The following FMN2 variants were observed in gnomAD, a reference collection of about 807,000 sequenced individuals.
FMN2 encodes the protein formin-2.
A neutral mutation model predicts 142.3 loss-of-function variants in FMN2; 51 were observed. The ratio of observed to expected loss-of-function variants is 0.36; its 90% CI spans 0.29 to 0.45. FMN2 has a LOEUF of 0.45. Ranked by LOEUF, FMN2 falls within the 20% of genes least tolerant of loss-of-function variation. FMN2 has a pLI of 1.00. For synonymous variants in FMN2, 882 were observed against 869.8 expected, an observed-to-expected ratio of 1.01 and a Z score of -0.25; for missense variants, 1,936 against 2,122.8, an observed-to-expected ratio of 0.91 and a Z score of 1.73.
At chr1:240,438,351 C>A in intron 16 of FMN2, 141 bp downstream of exon 16, 10 of 850,372 alleles carry the variant, frequency 1.2e-5, no homozygotes, top group Non-Finnish European at 1.8e-5. Context: ...AGGATGCTGA[C>A]ATTTGGCAAA....
At chr1:240,289,509 A>G (rs1429235995) in intron 7 of FMN2, among the ~76,000 whole-genome samples, 1 of 152,056 alleles carries the variant, frequency 6.6e-6, no homozygotes. Context: ...TCTCTACAAA[A>G]AAATTAAAAA....
intron 14 of FMN2, among the ~76,000 whole-genome samples, chr1:240,367,396 A>G (rs945840178): frequency 2.0e-5 from 3 of 152,072 alleles, no homozygotes; most frequent in Non-Finnish European, 4.4e-5. Context: ...TTTGCTGACT[A>G]TTGATTTTAA....
chr1:240,382,960 A>T (rs1026112739), intron 14 of FMN2, among the ~76,000 whole-genome samples: 1 of 152,174 alleles, frequency 6.6e-6, no homozygotes, highest in Non-Finnish European at 1.5e-5. Flanking sequence ...ACAAAGCCAC[A>T]TATGTACAAC....
At chr1:240,330,530 G>T in intron 10 of FMN2, 73 bp from the exon 11 acceptor site, 1 of 1,480,360 alleles carries the variant, frequency 6.8e-7, no homozygotes, top group Non-Finnish European at 9.2e-7. Context: ...TAAATAGCTG[G>T]CATCAACTCG....
intron 6 of FMN2, among the ~76,000 whole-genome samples, chr1:240,236,607 G>C (rs935848448): frequency 1.3e-5 from 2 of 152,138 alleles, no homozygotes; most frequent in South Asian, 2.1e-4. Context: ...TTTTACTCAC[G>C]GCAGAAGGTG....
chr1:240,172,472 T>C lies in FMN2; in HGVS notation c.1783-5449T>C, dbSNP rs186162116. On this transcript the variant is annotated intron_variant, in intron 2 of 17. Transcript: ENST00000319653. ...GACTATTGTAATCAAACATAGATTT[T>C]TAAAATTCAAAACAAATAGTATTCA... Among the ~76,000 whole-genome samples the C allele has an allele frequency of 9.0e-4, 137 of 152,310 alleles. 1 individual carries two copies. The highest frequency in any genetic ancestry group is 1.5e-3 in the Non-Finnish European group (104 of 68,022).
chr1:240,413,120 C>CTCAAAAAAAAAA (rs1259612812), intron 15 of FMN2, among the ~76,000 whole-genome samples: 3 of 24,582 alleles, frequency 1.2e-4, no homozygotes, highest in Admixed American at 9.2e-4. Flanking sequence ...GAGACTCTGT[C>CTCAAAAAAAAAA]AAAAAAAAAA....
In FMN2 at chr1:240,092,003, C is replaced by A. The variant is rs536852884; in HGVS notation, c.-107C>A. On this transcript the variant is annotated 5_prime_UTR_variant, in exon 1 of 18. Coordinates refer to ENST00000319653, the MANE Select transcript of FMN2 (RefSeq NM_020066.5). ...CTCCCCTCCCAGCGGCTCCCCCCGC[C>A]GCCGCCTGACTCTCCCGGGAGACTC... 1.1e-4 allele frequency: 157 copies of A among 1,380,968 alleles called. 1 individual carries two copies. The East Asian group carries it at 4.1e-3, about 36-fold the overall frequency. The allele number at this position is 1,380,968 out of a possible 1,614,324, so 85.5% of individuals were successfully genotyped here.
intron 2 of FMN2, among the ~76,000 whole-genome samples, chr1:240,167,252 T>A (rs998357569): frequency 7.2e-5 from 11 of 152,230 alleles, no homozygotes; most frequent in Non-Finnish European, 1.5e-4. Context: ...GTGCTTCTTT[T>A]AAGCACAGCT....
intron 16 of FMN2, among the ~76,000 whole-genome samples, chr1:240,461,330 G>C (rs1207318985): frequency 6.6e-6 from 1 of 152,038 alleles, no homozygotes; most frequent in Non-Finnish European, 1.5e-5. Context: ...TCTACCTTAG[G>C]GGGTTACTGC....
chr1:240,320,669 G>A (rs1036685182), intron 8 of FMN2, among the ~76,000 whole-genome samples: 6 of 152,272 alleles, frequency 3.9e-5, no homozygotes, highest in African/African-American at 1.4e-4. Flanking sequence ...TTAAGTATGG[G>A]GGTGGGTGGT....
chr1:240,420,853 TGTTA>T (rs1445958334), intron 15 of FMN2, among the ~76,000 whole-genome samples: 2 of 152,170 alleles, frequency 1.3e-5, no homozygotes, highest in Non-Finnish European at 2.9e-5. Context: ...GTGCTCCTGC[TGTTA>T]GTTCAGGTTC....
At chr1:240,228,317 AAAAAAAAAAAAAAAAG>A (rs1209851158) in intron 6 of FMN2, among the ~76,000 whole-genome samples, 33 of 103,806 alleles carry the variant, frequency 3.2e-4, no homozygotes, top group South Asian at 6.1e-4. Flanking sequence ...AAAAAAAAAA[AAAAAAAAAAAAAAAAG>A]AAAAAGAAAA....
chr1:240,210,790 G>C (rs1666660467), intron 5 of FMN2, among the ~76,000 whole-genome samples: 1 of 152,076 alleles, frequency 6.6e-6, no homozygotes. Flanking sequence ...TGCCTCCCTA[G>C]CCCACACTGA....
At chr1:240,151,226 T>C (rs1663758783) in intron 2 of FMN2, among the ~76,000 whole-genome samples, 1 of 152,198 alleles carries the variant, frequency 6.6e-6, no homozygotes, top group Admixed American at 6.5e-5. Flanking sequence ...ATAATAACTG[T>C]AGCCATAATG....
At chr1:240,227,690 A>G (rs1439726653) in intron 6 of FMN2, among the ~76,000 whole-genome samples, 1 of 152,222 alleles carries the variant, frequency 6.6e-6, no homozygotes, top group African/African-American at 2.4e-5. Flanking sequence ...AAGACATTTC[A>G]AGGGTGAAAG....
intron 8 of FMN2, among the ~76,000 whole-genome samples, chr1:240,302,506 A>C (rs1211111822): frequency 6.6e-6 from 1 of 152,108 alleles, no homozygotes; most frequent in Non-Finnish European, 1.5e-5. Context: ...AAAGCAAGAA[A>C]ATGGAAATAA....
intron 3 of FMN2, chr1:240,179,514 T>C (rs1458488700): frequency 6.6e-6 from 1 of 152,118 alleles, no homozygotes; most frequent in Non-Finnish European, 1.5e-5. Flanking sequence ...GTGTAGGAAG[T>C]GTTGTTCCAG....
intron 13 of FMN2, among the ~76,000 whole-genome samples, chr1:240,351,192 C>T (rs2103040508): frequency 6.6e-6 from 1 of 152,278 alleles, no homozygotes; most frequent in East Asian, 1.9e-4. Flanking sequence ...ATTTGTGTGA[C>T]TATATCCAGC....
Sources: allele counts gnomAD v4.1 joint callset (sites outside exome capture counted in the v4.1 genomes callset), GRCh38; gene constraint gnomAD v4.1.1; transcripts MANE v1.5; gene names NCBI Gene and HGNC (gene_info 2026-07-23, HGNC 2026-07-21).